ST6GALNAC3: variants seen among roughly 807,000 people sequenced by gnomAD.
ST6GALNAC3 encodes the protein ST6 N-acetylgalactosaminide alpha-2,6-sialyltransferase 3, also known as alpha-N-acetylgalactosaminide alpha-2,6-sialyltransferase 3.
ST6GALNAC3 carries 25 observed loss-of-function variants against 32.7 expected under a neutral mutation model. The ratio of observed to expected loss-of-function variants is 0.76; its 90% confidence interval spans 0.56 to 1.07. ST6GALNAC3 has a LOEUF of 1.07. Among genes scored for constraint, ST6GALNAC3 ranks in the 50% least tolerant of loss-of-function variants. The pLI, the probability that ST6GALNAC3 is intolerant of heterozygous loss-of-function variation, is 0.00. For missense variants in ST6GALNAC3, 355 were observed against 382.4 expected (o/e 0.93, Z 0.60); for synonymous variants, 129 against 133.1 (o/e 0.97, Z 0.21).
intron 4 of ST6GALNAC3, among the ~76,000 whole-genome samples, chr1:76,627,882 T>C (rs1432107231): frequency 1.3e-5 from 2 of 151,986 alleles, no homozygotes; most frequent in Non-Finnish European, 2.9e-5. Context: ...TTGTCATTTC[T>C]GCTGCTCTGA....
chr1:76,494,469 ACACACACACACACACAC>A (rs1557487695), intron 3 of ST6GALNAC3, among the ~76,000 whole-genome samples: 6 of 43,446 alleles, frequency 1.4e-4, no homozygotes, highest in South Asian at 7.8e-4. Context: ...ATATATATAT[ACACACACACACACACAC>A]TTTCCCTACT....
rs79529946 is a variant in ST6GALNAC3 at position 76,354,011 on chromosome 1, C to G, written c.213+40012C>G. ...TCCACCTTGTTCCCAGGCTCCCTTT[C>G]AAACACCACTAATGCCAGGATAGCA... On this transcript the variant is annotated intron_variant, in intron 2 of 4. Transcript: ENST00000328299. 1,319 of 170,616 alleles carry G rather than the reference C, an allele frequency of 7.7e-3. 24 individuals carry two copies. Among genetic ancestry groups the G allele is most frequent in the African/African-American group, 0.029 (1,241 of 42,374 alleles). The allele number at this position is 170,616 out of a possible 1,614,324, so 10.6% of individuals were successfully genotyped here.
chr1:76,163,622 T>C (rs983917620), intron 1 of ST6GALNAC3, among the ~76,000 whole-genome samples: 5 of 152,352 alleles, frequency 3.3e-5, no homozygotes, highest in African/African-American at 1.2e-4. Flanking sequence ...ATAAATGGCA[T>C]GTTATAGTTT....
intron 3 of ST6GALNAC3, among the ~76,000 whole-genome samples, chr1:76,611,150 T>C (rs1647905796): frequency 6.6e-6 from 1 of 152,118 alleles, no homozygotes; most frequent in Admixed American, 6.5e-5. Flanking sequence ...TTAGTGTTTC[T>C]GAGCATGGGA....
At position 76,432,280 on chromosome 1, in the gene ST6GALNAC3, G is replaced by T. The variant is rs1447479937; in HGVS notation, c.623+19863G>T. Among the ~76,000 whole-genome samples, 5 of 152,102 alleles carry T rather than the reference G, an allele frequency of 3.3e-5. No homozygotes were observed. The East Asian group carries it at 9.7e-4, about 29-fold the overall frequency. The stretch of plus-strand genomic sequence containing the variant: ...CCATTTATCTACTGAAGGACATCTT[G>T]GTTGTTTCCAAGTTTTGTCAATTAT... On this transcript the variant is annotated intron_variant, in intron 3 of 4. Transcript: ENST00000328299.
At chr1:76,218,289 A>G (rs1444571325) in intron 1 of ST6GALNAC3, among the ~76,000 whole-genome samples, 2 of 152,236 alleles carry the variant, frequency 1.3e-5, no homozygotes, top group Admixed American at 1.3e-4. Flanking sequence ...CCCGGAGGCC[A>G]CCTTCAGGCA....
intron 3 of ST6GALNAC3, among the ~76,000 whole-genome samples, chr1:76,554,886 AG>A (rs1241388167): frequency 3.3e-5 from 5 of 152,210 alleles, no homozygotes; most frequent in African/African-American, 1.2e-4. Flanking sequence ...ATGTTAAGTA[AG>A]TGTTAACTTA....
chr1:76,194,935 A>G (rs998727239), intron 1 of ST6GALNAC3, among the ~76,000 whole-genome samples: 5 of 152,232 alleles, frequency 3.3e-5, no homozygotes, highest in Admixed American at 2.6e-4. Context: ...ATTTTGTAAC[A>G]TCTTGCATTG....
At chr1:76,095,774 C>T (rs1249876243) in intron 1 of ST6GALNAC3, among the ~76,000 whole-genome samples, 1 of 152,026 alleles carries the variant, frequency 6.6e-6, no homozygotes, top group Non-Finnish European at 1.5e-5. Context: ...GGGGTTTATA[C>T]ACTTTCCTTC....
chr1:76,369,737 A>G lies in ST6GALNAC3; in HGVS notation c.214-42271A>G, dbSNP rs886508797. On this transcript the variant is annotated intron_variant, in intron 2 of 4. Transcript: ENST00000328299. ...TAGGAAAAAAGGAGGGGTAGAAAAC[A>G]CATAACAGTGCATAACTTATGGTAC... Among the ~76,000 whole-genome samples the G allele has an allele frequency of 8.5e-5, 13 of 152,328 alleles. 1 individual carries two copies. In the South Asian group the frequency reaches 2.5e-3, roughly 29 times the overall value.
intron 1 of ST6GALNAC3, among the ~76,000 whole-genome samples, chr1:76,201,994 G>C (rs1654545650): frequency 1.3e-5 from 2 of 152,106 alleles, no homozygotes; most frequent in Non-Finnish European, 2.9e-5. Flanking sequence ...TAAAGTAACA[G>C]AATCTCCATT....
chr1:76,148,342 G>A (rs1650822970), intron 1 of ST6GALNAC3, among the ~76,000 whole-genome samples: 1 of 152,142 alleles, frequency 6.6e-6, no homozygotes, highest in Non-Finnish European at 1.5e-5. Context: ...CAGTAGGAGA[G>A]AATGTTCTAC....
At chr1:76,330,732 G>T (rs74089893) in intron 2 of ST6GALNAC3, among the ~76,000 whole-genome samples, 1,620 of 152,292 alleles carry the variant, frequency 0.011, 34 homozygotes, top group African/African-American at 0.037. Flanking sequence ...GGACAGGGAA[G>T]TCAAGTAACT....
chr1:76,468,843 A>T (rs1658829075), intron 3 of ST6GALNAC3, among the ~76,000 whole-genome samples: 1 of 152,046 alleles, frequency 6.6e-6, no homozygotes, highest in African/African-American at 2.4e-5. Flanking sequence ...GGTTTTAGGT[A>T]AATACTTATG....
chr1:76,600,431 C>T (rs375670536), intron 3 of ST6GALNAC3, among the ~76,000 whole-genome samples: 3 of 152,228 alleles, frequency 2.0e-5, no homozygotes, highest in African/African-American at 7.2e-5. Context: ...AATTTCAACC[C>T]CACCCCTATT....
chr1:76,116,417 T>C lies in ST6GALNAC3; in HGVS notation c.18+41533T>C, dbSNP rs79991722. ...TAGCTCCCTTCCGCATTCTGGAAAA[T>C]GCTTCTCCATTTCTGTAGCTCCATG... On this transcript the variant is annotated intron_variant, in intron 1 of 4. Coordinates refer to ENST00000328299, the MANE Select transcript of ST6GALNAC3 (RefSeq NM_152996.4). Among the ~76,000 whole-genome samples, 857 of 152,190 alleles carry C rather than the reference T, an allele frequency of 5.6e-3. 8 individuals are homozygous for C. Among genetic ancestry groups the C allele is most frequent in the African/African-American group, 0.02 (815 of 41,524 alleles).
chr1:76,151,422 A>G (rs896436209), intron 1 of ST6GALNAC3, among the ~76,000 whole-genome samples: 1 of 152,218 alleles, frequency 6.6e-6, no homozygotes, highest in Non-Finnish European at 1.5e-5. Context: ...CCCTCGTAGA[A>G]AGGCATACAA....
At chr1:76,441,088 CAAAAAAAA>C (rs397980569) in intron 3 of ST6GALNAC3, among the ~76,000 whole-genome samples, 4 of 90,264 alleles carry the variant, frequency 4.4e-5, no homozygotes, top group Non-Finnish European at 9.3e-5. Context: ...ACTATGTCTC[CAAAAAAAA>C]AAAAAAAAAA....
At chr1:76,449,298 A>G (rs986013048) in intron 3 of ST6GALNAC3, among the ~76,000 whole-genome samples, 7 of 152,316 alleles carry the variant, frequency 4.6e-5, no homozygotes, top group African/African-American at 1.7e-4. Flanking sequence ...TTTTCTGAAT[A>G]TGACAGTTTA....
Sources: allele counts gnomAD v4.1 joint callset (sites outside exome capture counted in the v4.1 genomes callset), GRCh38; gene constraint gnomAD v4.1.1; transcripts MANE v1.5; gene names NCBI Gene and HGNC (gene_info 2026-07-23, HGNC 2026-07-21).